The following C12orf42 variants were observed in gnomAD, a reference collection of about 807,000 sequenced individuals.
C12orf42 encodes the protein chromosome 12 open reading frame 42.
A neutral mutation model predicts 21.6 loss-of-function variants in C12orf42; 25 were observed. The observed-to-expected ratio is 1.16, with a 90% CI of 0.84 to 1.62. C12orf42 has a LOEUF of 1.62. Among genes scored for constraint, C12orf42 ranks in the 40% most tolerant of loss-of-function variants. The probability of loss-of-function intolerance (pLI) is 0.00; values close to 1 mark genes in which losing one functional copy is unlikely to be tolerated. For synonymous variants in C12orf42, 174 were observed against 175.0 expected (o/e 0.99, Z 0.05); for missense variants, 483 against 459.3 (o/e 1.05, Z -0.47).
exon 7 of C12orf42, chr12:103,268,906 A>T (rs1219541206): frequency 6.6e-6 from 1 of 152,134 alleles, no homozygotes; most frequent in Non-Finnish European, 1.5e-5. Context: ...TTATTTGAAT[A>T]AGTATCTGAT....
chr12:103,181,624 G>A, the C12orf42 span, among the ~76,000 whole-genome samples: 20 of 152,360 alleles, frequency 1.3e-4, no homozygotes, highest in African/African-American at 4.8e-4. Flanking sequence ...TCTCATGGGA[G>A]CTCCAACGAG....
At chr12:103,322,790 T>TA (rs1258085899) in intron 4 of C12orf42, among the ~76,000 whole-genome samples, 8 of 152,306 alleles carry the variant, frequency 5.3e-5, no homozygotes, top group Non-Finnish European at 7.4e-5. Flanking sequence ...TTATTTCTCT[T>TA]AAAAAAATGG....
chr12:103,157,952 A>G, the C12orf42 span, among the ~76,000 whole-genome samples: 1 of 152,162 alleles, frequency 6.6e-6, no homozygotes. Context: ...ATTCTGTTAT[A>G]CTCTGAAAGT....
At position 103,445,097 on chromosome 12, in the gene C12orf42, C is replaced by T. The variant is rs151121972; in HGVS notation, c.78+33252G>A. Among the ~76,000 whole-genome samples, 6 of 152,130 alleles carry T rather than the reference C, an allele frequency of 3.9e-5. No homozygotes were observed. In the East Asian group the frequency reaches 1.2e-3, roughly 29 times the overall value. Reference sequence around the variant, plus strand: ...CCTGTGTACTGCTTGCCAATCTGTACTCATCCCCCATACCGTCTCTCAGGG... The same window carrying T: ...CCTGTGTACTGCTTGCCAATCTGTATTCATCCCCCATACCGTCTCTCAGGG... On this transcript the variant is annotated intron_variant, in intron 2 of 5. Coordinates refer to ENST00000548883, the MANE Select transcript of C12orf42 (RefSeq NM_198521.5).
intron 4 of C12orf42, among the ~76,000 whole-genome samples, chr12:103,346,212 T>G (rs2042610318): frequency 6.6e-6 from 1 of 152,188 alleles, no homozygotes; most frequent in African/African-American, 2.4e-5. Context: ...TATATGCCAT[T>G]AAATATTAAA....
chr12:103,224,956 C>T, the C12orf42 span, among the ~76,000 whole-genome samples: 9 of 152,236 alleles, frequency 5.9e-5, no homozygotes, highest in South Asian at 2.1e-4. Context: ...AAAGCACGTA[C>T]GTTTTTATGA....
chr12:103,064,069 C>A, the C12orf42 span, among the ~76,000 whole-genome samples: 3 of 152,112 alleles, frequency 2.0e-5, no homozygotes, highest in Non-Finnish European at 4.4e-5. Context: ...GAAAAGGATC[C>A]AAAGGCTTAG....
chr12:103,172,856 C>G, the C12orf42 span, among the ~76,000 whole-genome samples: 2 of 152,210 alleles, frequency 1.3e-5, no homozygotes, highest in Non-Finnish European at 2.9e-5. Flanking sequence ...TCAAATATAT[C>G]TCTTGAACTC....
the C12orf42 span, among the ~76,000 whole-genome samples, chr12:103,506,333 A>G: frequency 1.0e-5 from 1 of 99,092 alleles, no homozygotes; most frequent in African/African-American, 3.8e-5. Flanking sequence ...AAAACAAAAC[A>G]AAAAAAAAAC....
chr12:103,505,487 G>A, the C12orf42 span: 5 of 386,220 alleles, frequency 1.3e-5, no homozygotes, highest in African/African-American at 2.3e-5. Context: ...TCATGGGAAC[G>A]TGGTAGGGAC....
At chr12:103,132,186 A>G in the C12orf42 span, among the ~76,000 whole-genome samples, 2 of 152,204 alleles carry the variant, frequency 1.3e-5, no homozygotes, top group East Asian at 3.8e-4. Context: ...CCTACAAATA[A>G]GAACTGAATT....
At chr12:103,115,381 T>C in the C12orf42 span, among the ~76,000 whole-genome samples, 1 of 152,218 alleles carries the variant, frequency 6.6e-6, no homozygotes, top group Admixed American at 6.5e-5. Flanking sequence ...AGCCACCATA[T>C]ACTGGAAGCT....
the C12orf42 span, among the ~76,000 whole-genome samples, chr12:103,526,932 A>G: frequency 6.6e-6 from 1 of 152,228 alleles, no homozygotes; most frequent in East Asian, 1.9e-4. Flanking sequence ...ACCAAACAGT[A>G]GAACAGAACC....
At chr12:103,422,654 T>C (rs370362297) in intron 2 of C12orf42, among the ~76,000 whole-genome samples, 4 of 152,076 alleles carry the variant, frequency 2.6e-5, no homozygotes, top group African/African-American at 4.8e-5. Flanking sequence ...ATGGAAAGCA[T>C]AGAAATTTTT....
the C12orf42 span, among the ~76,000 whole-genome samples, chr12:103,104,314 C>T: frequency 6.6e-6 from 1 of 152,102 alleles, no homozygotes; most frequent in South Asian, 2.1e-4. Context: ...AGATATACTC[C>T]AAGATATCAG....
chr12:103,470,427 G>A (rs925382731), intron 2 of C12orf42, among the ~76,000 whole-genome samples: 11 of 152,170 alleles, frequency 7.2e-5, no homozygotes, highest in African/African-American at 1.4e-4. Context: ...GTCTCTACCC[G>A]AGTTGTCTGT....
the C12orf42 span, among the ~76,000 whole-genome samples, chr12:103,214,989 C>A: frequency 3.3e-5 from 5 of 151,980 alleles, no homozygotes; most frequent in Non-Finnish European, 1.5e-5. Context: ...ACATTCCTCT[C>A]GAGCAAGAAT....
chr12:103,088,542 A>G, the C12orf42 span, among the ~76,000 whole-genome samples: 2 of 152,174 alleles, frequency 1.3e-5, no homozygotes, highest in Admixed American at 6.5e-5. Flanking sequence ...TGGTAGAGAA[A>G]AGTGCTCTGC....
At chr12:103,371,914 C>G (rs1352078753) in intron 3 of C12orf42, among the ~76,000 whole-genome samples, 1 of 152,112 alleles carries the variant, frequency 6.6e-6, no homozygotes, top group African/African-American at 2.4e-5. Flanking sequence ...AGTAACTTAT[C>G]AAAGTTACAG....
Sources: allele counts gnomAD v4.1 joint callset (sites outside exome capture counted in the v4.1 genomes callset), GRCh38; gene constraint gnomAD v4.1.1; transcripts MANE v1.5; gene names NCBI Gene and HGNC (gene_info 2026-07-23, HGNC 2026-07-21).